TTC39C: variants seen among roughly 807,000 people sequenced by gnomAD.
The protein encoded by TTC39C is tetratricopeptide repeat protein 39C.
In TTC39C, 33 loss-of-function variants were observed where a neutral mutation model predicts 76.3. The observed-to-expected ratio is 0.43, with a 90% CI of 0.33 to 0.58. TTC39C has a LOEUF of 0.58. TTC39C is among the 20% of genes least tolerant of loss of function. The pLI, the probability that TTC39C is intolerant of heterozygous loss-of-function variation, is 0.04. For synonymous variants in TTC39C, 254 were observed against 260.6 expected (o/e 0.97, Z 0.24); for missense variants, 595 against 701.4 (o/e 0.85, Z 1.71).
At chr18:24,076,653 A>G (rs17259611) in intron 4 of TTC39C, 13,260 of 152,042 alleles carry the variant, frequency 0.087, 768 homozygotes, top group East Asian at 0.27. Flanking sequence ...CGCAGAATGT[A>G]GTAAAAGCAA....
intron 10 of TTC39C, among the ~76,000 whole-genome samples, chr18:24,126,173 G>C (rs1811338812): frequency 6.6e-6 from 1 of 152,064 alleles, no homozygotes; most frequent in African/African-American, 2.4e-5. Context: ...AATGACAAGA[G>C]GGAGATCCTG....
intron 6 of TTC39C, among the ~76,000 whole-genome samples, chr18:24,106,885 A>AT (rs1394526141): frequency 2.3e-4 from 35 of 152,142 alleles, no homozygotes; most frequent in African/African-American, 7.2e-4. Flanking sequence ...GGGTTTCACC[A>AT]TGTTGGCCAG....
chr18:24,124,680 A>T (rs1312004336), intron 9 of TTC39C, among the ~76,000 whole-genome samples: 1 of 152,166 alleles, frequency 6.6e-6, no homozygotes, highest in Non-Finnish European at 1.5e-5. Context: ...TTTGAGTATA[A>T]ATTTGATTAT....
chr18:24,045,269 CA>C lies in TTC39C; in HGVS notation c.168-18857del, dbSNP rs34487224. The stretch of plus-strand genomic sequence containing the variant: ...GGGTGACAGAGTAAGACTCTGTCTC[CA>C]AAAAAAAAAAAAAGCATGTAGCGTG... On this transcript the variant is annotated intron_variant, in intron 1 of 13. Transcript: ENST00000317571. 1.0e-4 allele frequency among the ~76,000 whole-genome samples: 9 copies of C among 87,908 alleles called. 1 individual carries two copies. The highest frequency in any genetic ancestry group is 2.5e-4 in the African/African-American group (5 of 20,332). The allele number at this position is 87,908 out of a possible 152,430, so 57.7% of individuals were successfully genotyped here. A position where few individuals can be genotyped will look rare whatever the true frequency, so the allele number is the denominator to read the frequency against.
chr18:24,023,920 C>A (rs1338502000), intron 1 of TTC39C, among the ~76,000 whole-genome samples: 1 of 118,390 alleles, frequency 8.4e-6, no homozygotes, highest in Non-Finnish European at 1.7e-5. Context: ...AATAGAATGC[C>A]CAAATAAAAT....
chr18:24,061,490 C>A (rs1183506741), intron 1 of TTC39C, among the ~76,000 whole-genome samples: 1 of 150,800 alleles, frequency 6.6e-6, no homozygotes, highest in African/African-American at 2.4e-5. Flanking sequence ...GGGAACATTT[C>A]CAGATCTCTG....
intron 1 of TTC39C, chr18:24,020,026 C>G: frequency 7.1e-7 from 1 of 1,407,090 alleles, no homozygotes; most frequent in Non-Finnish European, 9.2e-7. Context: ...GATTTCTAGA[C>G]AAGTCATCTG....
intron 1 of TTC39C, among the ~76,000 whole-genome samples, chr18:24,024,278 T>C (rs1218930460): frequency 6.6e-6 from 1 of 151,536 alleles, no homozygotes; most frequent in Non-Finnish European, 1.5e-5. Context: ...CCCAAAGTGC[T>C]GGGATTACAG....
intron 3 of TTC39C, among the ~76,000 whole-genome samples, chr18:24,067,651 A>G (rs2084182483): frequency 6.6e-6 from 1 of 152,218 alleles, no homozygotes; most frequent in Admixed American, 6.5e-5. Flanking sequence ...TCCTGAAACC[A>G]TTAACCCATC....
intron 6 of TTC39C, among the ~76,000 whole-genome samples, chr18:24,090,910 G>A (rs1208481078): frequency 2.1e-5 from 3 of 145,634 alleles, no homozygotes; most frequent in African/African-American, 5.1e-5. Context: ...AGGTTCAAGC[G>A]ATTCTCATGC....
intron 1 of TTC39C, among the ~76,000 whole-genome samples, chr18:23,998,589 G>T (rs1455523663): frequency 6.6e-6 from 1 of 152,054 alleles, no homozygotes; most frequent in East Asian, 1.9e-4. Flanking sequence ...CAGCCCGGGT[G>T]ACAGAGCAAG....
chr18:24,120,558 A>G (rs1434293171), intron 8 of TTC39C, among the ~76,000 whole-genome samples: 1 of 152,182 alleles, frequency 6.6e-6, no homozygotes, highest in East Asian at 1.9e-4. Context: ...ATGTAGCATC[A>G]TTTACCATTT....
chr18:24,098,382 T>TTCCCTCCCTCCCTCCC (rs1290848656), intron 6 of TTC39C, among the ~76,000 whole-genome samples: 1 of 103,958 alleles, frequency 9.6e-6, no homozygotes, highest in African/African-American at 4.4e-5. Flanking sequence ...TTTCTTTTCC[T>TTCCCTCCCTCCCTCCC]TCCCTCCCTC....
chr18:24,029,920 T>C (rs1346606397), intron 1 of TTC39C, among the ~76,000 whole-genome samples: 2 of 152,258 alleles, frequency 1.3e-5, no homozygotes, highest in Non-Finnish European at 2.9e-5. Flanking sequence ...AAATTTGGGC[T>C]GGTTTCATAT....
chr18:24,045,722 T>G (rs1475581166), intron 1 of TTC39C, among the ~76,000 whole-genome samples: 3 of 151,610 alleles, frequency 2.0e-5, no homozygotes, highest in Non-Finnish European at 4.4e-5. Context: ...ACTTCTTCTG[T>G]GTGCACATTT....
intron 1 of TTC39C, among the ~76,000 whole-genome samples, chr18:24,018,609 G>A (rs1177195837): frequency 1.3e-5 from 2 of 152,068 alleles, no homozygotes; most frequent in East Asian, 1.9e-4. Flanking sequence ...GAGAAGCAGC[G>A]TCTAACTCAG....
chr18:24,056,922 A>T (rs949960889), intron 1 of TTC39C, among the ~76,000 whole-genome samples: 1 of 152,096 alleles, frequency 6.6e-6, no homozygotes, highest in Non-Finnish European at 1.5e-5. Flanking sequence ...GTCTCAAGCA[A>T]TCCTCCTGCC....
At chr18:24,004,746 A>G (rs2083339355) in intron 1 of TTC39C, among the ~76,000 whole-genome samples, 1 of 152,220 alleles carries the variant, frequency 6.6e-6, no homozygotes, top group Non-Finnish European at 1.5e-5. Context: ...CATGCATTCC[A>G]CTGTGCTTTC....
chr18:24,019,944 C>T (rs2083499509), intron 1 of TTC39C: 1 of 1,508,746 alleles, frequency 6.6e-7, no homozygotes, highest in Non-Finnish European at 8.8e-7. Context: ...GTCAGCAGGC[C>T]TCTGAGCCTC....
Sources: allele counts gnomAD v4.1 joint callset (sites outside exome capture counted in the v4.1 genomes callset), GRCh38; gene constraint gnomAD v4.1.1; transcripts MANE v1.5; gene names NCBI Gene and HGNC (gene_info 2026-07-23, HGNC 2026-07-21).